Variants in ZNF793 observed in about 807,000 individuals in gnomAD.
ZNF793 encodes the protein zinc finger protein 793.
A neutral mutation model predicts 12.4 loss-of-function variants in ZNF793; 5 were observed. That is an observed-to-expected ratio of 0.40 (90% CI 0.21 to 0.84). The LOEUF (loss-of-function observed/expected upper bound fraction) is 0.84. ZNF793 is among the 40% of genes least tolerant of loss of function. The pLI, the probability that ZNF793 is intolerant of heterozygous loss-of-function variation, is 0.35. For synonymous variants in ZNF793, 162 were observed against 172.4 expected, an observed-to-expected ratio of 0.94 and a Z score of 0.47; for missense variants, 456 against 495.0, an observed-to-expected ratio of 0.92 and a Z score of 0.75.
chr19:37,507,864 A>G (rs899735597), intron 1 of ZNF793, among the ~76,000 whole-genome samples: 3 of 152,188 alleles, frequency 2.0e-5, no homozygotes, highest in African/African-American at 7.2e-5. Context: ...ATAGGGGAAT[A>G]TCAGTGACTA....
rs1181150357 is a variant in ZNF793 at position 37,537,509 on chromosome 19, A to G, written c.851A>G (p.Glu284Gly). 2 of 1,614,072 alleles carry G rather than the reference A, an allele frequency of 1.2e-6. No individual in the cohort carries two copies. Among genetic ancestry groups the G allele is most frequent in the Non-Finnish European group, 1.7e-6 (2 of 1,179,984 alleles). ...QRIHTGVRPF[E>G]CFFCGKAFTQ... is the part of the protein sequence containing the mutation. ...ATTCACACTGGGGTAAGACCCTTTG[A>G]ATGTTTTTTTTGTGGGAAAGCCTTT... is the stretch of plus-strand genomic sequence containing the variant. Residue 284 changes from glutamate to glycine, a missense_variant, in exon 8 of 8, where the codon GAA becomes GGA. Coordinates refer to ENST00000627814, the MANE Select transcript of ZNF793 (RefSeq NM_001013659.3).
chr19:37,517,410 C>G (rs138615048), intron 2 of ZNF793, among the ~76,000 whole-genome samples: 1 of 147,922 alleles, frequency 6.8e-6, no homozygotes, highest in Non-Finnish European at 1.5e-5. Flanking sequence ...GAGCTGAGAT[C>G]GCACCACCGC....
At chr19:37,509,806 C>A (rs959778982) in intron 2 of ZNF793, among the ~76,000 whole-genome samples, 7 of 151,892 alleles carry the variant, frequency 4.6e-5, no homozygotes, top group Non-Finnish European at 4.4e-5. Flanking sequence ...AAGGGAATAC[C>A]CCTGGGTAAT....
At chr19:37,513,043 G>A (rs1324501096) in intron 2 of ZNF793, among the ~76,000 whole-genome samples, 1 of 151,954 alleles carries the variant, frequency 6.6e-6, no homozygotes, top group Non-Finnish European at 1.5e-5. Context: ...GTACATCTCG[G>A]ACAGGAATAC....
chr19:37,532,770 T>C (rs1014177059), intron 6 of ZNF793, among the ~76,000 whole-genome samples: 2 of 151,974 alleles, frequency 1.3e-5, no homozygotes, highest in African/African-American at 2.4e-5. Flanking sequence ...AGTGAGCCGA[T>C]ATTGCACCAT....
intron 5 of ZNF793, 54 bp from the exon 6 acceptor site, chr19:37,532,302 C>G: frequency 6.4e-7 from 1 of 1,571,184 alleles, no homozygotes. Context: ...CCATGCCTGG[C>G]CCTGCACAAA....
intron 5 of ZNF793, among the ~76,000 whole-genome samples, chr19:37,527,846 CA>C (rs2042428184): frequency 6.6e-6 from 1 of 152,088 alleles, no homozygotes; most frequent in South Asian, 2.1e-4. Context: ...AGGCCCTGTG[CA>C]GTGGCTCACG....
At chr19:37,519,209 T>G (rs1383364450) in intron 2 of ZNF793, among the ~76,000 whole-genome samples, 1 of 152,034 alleles carries the variant, frequency 6.6e-6, no homozygotes, top group Non-Finnish European at 1.5e-5. Context: ...GAGCTTGTAG[T>G]GAGCTGAGAT....
At chr19:37,510,239 T>C (rs1253249198) in intron 2 of ZNF793, among the ~76,000 whole-genome samples, 1 of 151,828 alleles carries the variant, frequency 6.6e-6, no homozygotes, top group African/African-American at 2.4e-5. Flanking sequence ...GCATGTTGGC[T>C]GATGCCTGTA....
chr19:37,507,109 T>C (rs2042255321), intron 1 of ZNF793, 143 bp downstream of exon 1: 2 of 152,338 alleles, frequency 1.3e-5, no homozygotes, highest in South Asian at 2.1e-4. Context: ...CTGGGTCAGC[T>C]ATGGGTGCCC....
chr19:37,536,765 A>C, intron 7 of ZNF793, 132 bp from the exon 8 acceptor site: 2 of 961,128 alleles, frequency 2.1e-6, no homozygotes, highest in Non-Finnish European at 3.0e-6. Context: ...CTCATAGAAC[A>C]CTCTTCCCTG....
intron 2 of ZNF793, among the ~76,000 whole-genome samples, chr19:37,518,630 CAAAAAA>C (rs61641247): frequency 1.2e-5 from 1 of 84,464 alleles, no homozygotes; most frequent in East Asian, 3.3e-4. Context: ...CCTGTCTCTA[CAAAAAA>C]AAAAAAAAAA....
chr19:37,521,410 AC>A (rs1212513544), intron 3 of ZNF793, among the ~76,000 whole-genome samples: 1 of 144,590 alleles, frequency 6.9e-6, no homozygotes, highest in African/African-American at 2.6e-5. Flanking sequence ...GGCATGAATC[AC>A]CATGCATGGT....
intron 7 of ZNF793, chr19:37,534,183 G>C (rs1568326093): frequency 6.6e-6 from 1 of 152,062 alleles, no homozygotes; most frequent in Non-Finnish European, 1.5e-5. Context: ...CAGCTACTCT[G>C]TTACTATCTA....
chr19:37,514,902 T>C (rs2042319578), intron 2 of ZNF793, among the ~76,000 whole-genome samples: 1 of 152,154 alleles, frequency 6.6e-6, no homozygotes, highest in South Asian at 2.1e-4. Context: ...GCCTCATAGA[T>C]GGGAAAAAAG....
Position 37,516,176 on chromosome 19 carries a change from C to T in ZNF793, c.-275-4008C>T, listed in dbSNP as rs145368956. Among the ~76,000 whole-genome samples the T allele has an allele frequency of 5.9e-5, 9 of 152,254 alleles. No individual in the cohort carries two copies. The East Asian group carries it at 1.7e-3, about 29-fold the overall frequency. On this transcript the variant is annotated intron_variant, in intron 2 of 7. Coordinates refer to ENST00000627814, the MANE Select transcript of ZNF793 (RefSeq NM_001013659.3). Reference sequence around the variant, plus strand: ...GAGACAAGAGTTTCCCTCTTCTTGCCCAGGCTGGAGTGCAGTGGCGCGATC... The same window carrying T: ...GAGACAAGAGTTTCCCTCTTCTTGCTCAGGCTGGAGTGCAGTGGCGCGATC...
chr19:37,511,606 G>C (rs2042295014), intron 2 of ZNF793, among the ~76,000 whole-genome samples: 1 of 152,200 alleles, frequency 6.6e-6, no homozygotes, highest in Non-Finnish European at 1.5e-5. Context: ...GAGAGGCAGA[G>C]GTTGCGGTGA....
chr19:37,530,696 C>A (rs951196716), intron 5 of ZNF793, among the ~76,000 whole-genome samples: 1 of 152,150 alleles, frequency 6.6e-6, no homozygotes, highest in Non-Finnish European at 1.5e-5. Context: ...TAGTACAGAA[C>A]GAAATGGAGT....
chr19:37,517,499 G>C (rs1175463989), intron 2 of ZNF793, among the ~76,000 whole-genome samples: 1 of 150,984 alleles, frequency 6.6e-6, no homozygotes, highest in Non-Finnish European at 1.5e-5. Flanking sequence ...ATGTTACATT[G>C]CTCTTTTAGA....
Sources: gnomAD v4.1 joint callset for allele counts (sites outside exome capture counted in the v4.1 genomes callset) on GRCh38, gnomAD v4.1.1 for gene constraint, MANE v1.5 for transcripts, NCBI Gene and HGNC (gene_info 2026-07-23, HGNC 2026-07-21) for gene names.